Variants in ARMCX4 observed in about 807,000 individuals in gnomAD.
ARMCX4 encodes the protein armadillo repeat containing X-linked 4.
ARMCX4 carries 3 observed loss-of-function variants against 34.7 expected under a neutral mutation model. That is an observed-to-expected ratio of 0.09 (90% CI 0.04 to 0.22). The LOEUF (loss-of-function observed/expected upper bound fraction) is 0.22, where lower values mean the gene tolerates loss of function less well. Among genes scored for constraint, ARMCX4 ranks in the 10% least tolerant of loss-of-function variants. ARMCX4 has a pLI of 1.00. For synonymous variants in ARMCX4, 513 were observed against 632.8 expected, an observed-to-expected ratio of 0.81 and a Z score of 2.84; for missense variants, 1,448 against 1,720.8, an observed-to-expected ratio of 0.84 and a Z score of 2.81.
At chrX:101,526,471 TC>T (rs1170660371) in intron 11 of ARMCX4, among the ~76,000 whole-genome samples, 1 of 111,829 alleles carries the variant, frequency 8.9e-6, no homozygotes, top group African/African-American at 3.3e-5. Context: ...AGGATCAAAT[TC>T]ACACATAACA....
At chrX:101,423,745 C>CT (rs1929431574) in intron 2 of ARMCX4, among the ~76,000 whole-genome samples, 1 of 111,855 alleles carries the variant, frequency 8.9e-6, no homozygotes, top group Admixed American at 9.5e-5. Flanking sequence ...AGAGTTGAGA[C>CT]TTTTTCACCA....
Position 101,490,637 on chromosome X carries a change from A to T in ARMCX4, c.2048A>T (p.Asp683Val), listed in dbSNP as rs897583071. 58 of 1,154,934 alleles carry T rather than the reference A, an allele frequency of 5.0e-5. No homozygotes were observed. The highest frequency in any genetic ancestry group is 6.1e-5 in the Non-Finnish European group (53 of 872,785). Residue 683 changes from aspartate to valine, a missense_variant, in exon 6 of 6, where the codon GAT becomes GTT. Transcript: ENST00000423738. Reference sequence around the variant, plus strand: ...AGTTCCAAGGGTGAGGCCTTGCTTGATTCTAAGAATAAGGTCAAGGGTAAT... The same window carrying T: ...AGTTCCAAGGGTGAGGCCTTGCTTGTTTCTAAGAATAAGGTCAAGGGTAAT... ...MASSKGEALL[D>V]SKNKVKGNSN...
rs1023846915 is a variant in ARMCX4 at position 101,493,027 on chromosome X, G to A, written c.4438G>A (p.Glu1480Lys). ...CAGAGGGTCCTGGGCTGATGCCAGG[G>A]AGCAGGTTGTTGGAGATTCTAGGCT... Reference protein sequence around the residue: ...SGRGSWADAREQVVGDSRLGL... With the variant: ...SGRGSWADARKQVVGDSRLGL... The change falls in exon 6 of 6, where the codon GAG (glutamate) becomes AAG (lysine). Residue 1480 changes from glutamate to lysine, a missense_variant. Physicochemically the swap from Glu to Lys is moderately conservative, Grantham distance 56 (BLOSUM62 1). Transcript: ENST00000423738. 2 of 1,154,027 alleles carry A rather than the reference G, an allele frequency of 1.7e-6. No homozygotes were observed. The highest frequency in any genetic ancestry group is 2.6e-5 in the Admixed American group (1 of 38,599).
intron 8 of ARMCX4, among the ~76,000 whole-genome samples, chrX:101,505,615 A>C (rs985861007): frequency 9.0e-6 from 1 of 111,574 alleles, no homozygotes; most frequent in African/African-American, 3.3e-5. Flanking sequence ...AGCCTAGTAC[A>C]TGTGGGGCTT....
upstream of ARMCX4, among the ~76,000 whole-genome samples, chrX:101,480,700 TA>T (rs782420968): frequency 8.9e-6 from 1 of 112,313 alleles, no homozygotes; most frequent in Non-Finnish European, 1.9e-5. Flanking sequence ...ACAAACCATT[TA>T]AAAAATACAG....
intron 11 of ARMCX4, among the ~76,000 whole-genome samples, chrX:101,526,655 G>A (rs1283303841): frequency 9.0e-6 from 1 of 111,531 alleles, no homozygotes; most frequent in Non-Finnish European, 1.9e-5. Flanking sequence ...CAAGCAAATG[G>A]AAAACAGAAA....
intron 4 of ARMCX4, among the ~76,000 whole-genome samples, chrX:101,472,746 C>T (rs1388232963): frequency 2.2e-5 from 2 of 89,253 alleles, no homozygotes; most frequent in African/African-American, 9.2e-5. Context: ...ACTTTACAGA[C>T]AAGCAAATGC....
chrX:101,480,123 GACACACACACACACACACACACACACAC>G (rs57237822), intron 4 of ARMCX4, among the ~76,000 whole-genome samples: 1 of 76,699 alleles, frequency 1.3e-5, no homozygotes, highest in African/African-American at 4.4e-5. Context: ...AGGATTTGGA[GACACACACACACACACACACACACACAC>G]ACACACACAC....
At chrX:101,527,612 G>T (rs1556020977) in intron 11 of ARMCX4, among the ~76,000 whole-genome samples, 1 of 110,147 alleles carries the variant, frequency 9.1e-6, no homozygotes, top group Non-Finnish European at 1.9e-5. Flanking sequence ...AAAGAGAGAA[G>T]AATCAAATAG....
intron 4 of ARMCX4, among the ~76,000 whole-genome samples, chrX:101,456,708 GTTA>G (rs1316164396): frequency 7.2e-5 from 8 of 110,932 alleles, no homozygotes; most frequent in African/African-American, 2.6e-4. Context: ...TAACTTCAGT[GTTA>G]TTATTATTCA....
intron 4 of ARMCX4, among the ~76,000 whole-genome samples, chrX:101,464,163 A>G (rs1490602534): frequency 2.7e-5 from 3 of 109,692 alleles, no homozygotes; most frequent in African/African-American, 9.9e-5. Context: ...ACCTGAGGTC[A>G]GGAGTTCGAG....
At chrX:101,532,021 A>G (rs1275091464) in intron 12 of ARMCX4, 1 of 112,156 alleles carries the variant, frequency 8.9e-6, no homozygotes, top group African/African-American at 3.2e-5. Context: ...TGGTAAGTGA[A>G]GTGCACATCC....
In ARMCX4 at chrX:101,476,836, A is replaced by G. The variant is rs374908111; in HGVS notation, c.-472-9187A>G. Reference sequence around the variant, plus strand: ...AATTGAATCTTAAGGAAATAGAAGGAAGGAAAAATAAAGATAAGAAAAAAA... The same window carrying G: ...AATTGAATCTTAAGGAAATAGAAGGGAGGAAAAATAAAGATAAGAAAAAAA... On this transcript the variant is annotated intron_variant and NMD_transcript_variant, in intron 4 of 15. Coordinates refer to the ARMCX4 transcript ENST00000433011. 2.2e-4 allele frequency among the ~76,000 whole-genome samples: 24 copies of G among 111,494 alleles called. No homozygotes were observed. The East Asian group carries it at 6.7e-3, about 31-fold the overall frequency.
chrX:101,530,484 A>G (rs1249601052), intron 11 of ARMCX4, among the ~76,000 whole-genome samples: 1 of 111,883 alleles, frequency 8.9e-6, no homozygotes, highest in African/African-American at 3.2e-5. Context: ...AAAGTATAAT[A>G]AAAAAATAAA....
intron 2 of ARMCX4, among the ~76,000 whole-genome samples, chrX:101,426,556 A>G (rs1178922648): frequency 8.9e-6 from 1 of 111,993 alleles, no homozygotes; most frequent in Non-Finnish European, 1.9e-5. Flanking sequence ...GGTTGACCAG[A>G]GAAAAATAGA....
intron 4 of ARMCX4, among the ~76,000 whole-genome samples, chrX:101,459,934 A>G (rs1204295211): frequency 8.9e-6 from 1 of 112,240 alleles, no homozygotes; most frequent in African/African-American, 3.2e-5. Context: ...CTGTAGGTGT[A>G]TAAACACTAA....
At chrX:101,439,856 G>A (rs1555996260) in intron 2 of ARMCX4, among the ~76,000 whole-genome samples, 1 of 111,496 alleles carries the variant, frequency 9.0e-6, no homozygotes, top group African/African-American at 3.3e-5. Flanking sequence ...CTCTGCATTG[G>A]TTATTCTAGT....
Position 101,492,485 on chromosome X carries a change from C to A in ARMCX4, c.3896C>A (p.Ala1299Asp). Residue 1299 changes from alanine to aspartate, a missense_variant, in exon 6 of 6, where the codon GCC becomes GAC. Physicochemically the swap from Ala to Asp is moderately radical, Grantham distance 126 (BLOSUM62 -2). Around this residue, in one of 2 missense-constraint regions of ARMCX4, gnomAD observed 1,343 missense variants for 1,540.7 expected, o/e 0.87. Transcript: ENST00000423738. ...TACTGGGCTGGGGTTGTGGATCAGG[C>A]CGGTGGAGGGTCCTGGGCTGGGACT... ...VSYWAGVVDQ[A>D]GGGSWAGTSD... The A allele has an allele frequency of 8.7e-7, 1 of 1,152,153 alleles. No homozygotes were observed. Among genetic ancestry groups the A allele is most frequent in the Non-Finnish European group, 1.1e-6 (1 of 871,349 alleles). 95.0% of individuals were successfully genotyped at this position (1,152,153 alleles called of 1,213,427 possible).
chrX:101,422,933 G>A (rs1019734171), intron 2 of ARMCX4, among the ~76,000 whole-genome samples: 7 of 109,721 alleles, frequency 6.4e-5, no homozygotes, highest in Admixed American at 9.7e-5. Flanking sequence ...TTTTTGAGAC[G>A]GAGTCTCACT....
Sources: gnomAD v4.1 joint callset for allele counts (sites outside exome capture counted in the v4.1 genomes callset) on GRCh38, gnomAD v4.1.1 for gene constraint, gnomAD v4.1.1 regional missense constraint, MANE v1.5 for transcripts, NCBI Gene and HGNC (gene_info 2026-07-23, HGNC 2026-07-21) for gene names.